CDC42SE2: variants seen among roughly 807,000 people sequenced by gnomAD.
CDC42SE2 encodes CDC42 small effector 2, also known as CDC42 small effector protein 2.
In CDC42SE2, 3 loss-of-function variants were observed where a neutral mutation model predicts 11.5. That is an observed-to-expected ratio of 0.26 (90% CI 0.12 to 0.67). CDC42SE2 has a LOEUF of 0.67. CDC42SE2 is among the 30% of genes least tolerant of loss of function. CDC42SE2 has a pLI of 0.80. For synonymous variants in CDC42SE2, 33 were observed against 34.8 expected, an observed-to-expected ratio of 0.95 and a Z score of 0.18; for missense variants, 82 against 106.8, an observed-to-expected ratio of 0.77 and a Z score of 1.02.
chr5:131,240,054 C>T, the CDC42SE2 span, among the ~76,000 whole-genome samples: 1 of 152,204 alleles, frequency 6.6e-6, no homozygotes, highest in Non-Finnish European at 1.5e-5. Context: ...AGTAATCTAT[C>T]TTAGTATCAG....
At chr5:131,338,750 T>C (rs1005629442) in intron 2 of CDC42SE2, among the ~76,000 whole-genome samples, 5 of 152,198 alleles carry the variant, frequency 3.3e-5, no homozygotes, top group African/African-American at 1.2e-4. Flanking sequence ...TTAGGCTGTG[T>C]AGTTTCAGAG....
intron 3 of CDC42SE2, among the ~76,000 whole-genome samples, chr5:131,374,346 C>T (rs1027411221): frequency 6.6e-6 from 1 of 151,970 alleles, no homozygotes; most frequent in Non-Finnish European, 1.5e-5. Flanking sequence ...TCAAGACCAG[C>T]CTGGCCAAGA....
chr5:131,283,023 G>A (rs1757270216), intron 1 of CDC42SE2, among the ~76,000 whole-genome samples: 1 of 150,598 alleles, frequency 6.6e-6, no homozygotes, highest in Non-Finnish European at 1.5e-5. Flanking sequence ...CACCTCCCGG[G>A]TTCAAGCGAT....
chr5:131,281,791 C>T (rs978143841), intron 1 of CDC42SE2, among the ~76,000 whole-genome samples: 4 of 152,178 alleles, frequency 2.6e-5, no homozygotes, highest in Admixed American at 2.6e-4. Context: ...GATTTGATCT[C>T]TAACTTTGCT....
intron 1 of CDC42SE2, among the ~76,000 whole-genome samples, chr5:131,299,163 C>G (rs1023194304): frequency 1.3e-5 from 2 of 151,964 alleles, no homozygotes; most frequent in Non-Finnish European, 2.9e-5. Flanking sequence ...TGGTAAAGGC[C>G]CTGAGAAGTC....
intron 1 of CDC42SE2, among the ~76,000 whole-genome samples, chr5:131,247,639 A>T: frequency 1.3e-5 from 2 of 152,186 alleles, no homozygotes; most frequent in South Asian, 4.1e-4. Context: ...AATGTAAAAC[A>T]ATTATTTATT....
At chr5:131,311,217 G>C (rs1259721486) in intron 1 of CDC42SE2, among the ~76,000 whole-genome samples, 2 of 151,504 alleles carry the variant, frequency 1.3e-5, no homozygotes, top group African/African-American at 2.4e-5. Context: ...AGTTTGGCTG[G>C]ATATGCAATT....
intron 3 of CDC42SE2, among the ~76,000 whole-genome samples, chr5:131,364,205 A>G (rs546964329): frequency 1.3e-5 from 2 of 152,320 alleles, no homozygotes; most frequent in South Asian, 4.1e-4. Flanking sequence ...TGCACCGTGG[A>G]AAAAGAAAGC....
chr5:131,313,737 G>C (rs1296095987), intron 1 of CDC42SE2, among the ~76,000 whole-genome samples: 1 of 152,138 alleles, frequency 6.6e-6, no homozygotes, highest in Admixed American at 6.5e-5. Context: ...TTGAATTCTG[G>C]TTGTATAAGG....
At chr5:131,362,326 A>G (rs1178260323) in intron 3 of CDC42SE2, among the ~76,000 whole-genome samples, 1 of 152,218 alleles carries the variant, frequency 6.6e-6, no homozygotes, top group Non-Finnish European at 1.5e-5. Flanking sequence ...GAGAAAAATT[A>G]CATAAAACTT....
intron 2 of CDC42SE2, among the ~76,000 whole-genome samples, chr5:131,332,430 A>G (rs6868218): frequency 0.15 from 21,878 of 150,456 alleles, 3,501 homozygotes; most frequent in African/African-American, 0.43. Context: ...ATAAACATAC[A>G]TGTGCATGTG....
rs552010007 is a variant in CDC42SE2 at position 131,389,402 on chromosome 5, TCTGA to T, written c.157-1588_157-1585del. Among the ~76,000 whole-genome samples the T allele has an allele frequency of 9.8e-5, 15 of 152,342 alleles. No individual in the cohort carries two copies. The East Asian group carries it at 1.2e-3, about 12-fold the overall frequency. On this transcript the variant is annotated intron_variant, in intron 4 of 4. Coordinates refer to ENST00000505065, the MANE Select transcript of CDC42SE2 (RefSeq NM_001375635.1). ...TACCTGAAGGTAGTCATTTTATTAA[TCTGA>T]CTATTATAGCAATACCTTATAATGT... is the stretch of plus-strand genomic sequence containing the variant.
the CDC42SE2 span, among the ~76,000 whole-genome samples, chr5:131,227,784 CCTGTAAT>C: frequency 6.6e-6 from 1 of 152,326 alleles, no homozygotes; most frequent in East Asian, 1.9e-4. Context: ...GTGGCTCACG[CCTGTAAT>C]CTGAGCACTT....
chr5:131,347,190 AAAATC>A (rs1351253914), intron 2 of CDC42SE2, among the ~76,000 whole-genome samples: 1 of 152,242 alleles, frequency 6.6e-6, no homozygotes, highest in African/African-American at 2.4e-5. Flanking sequence ...AAGCCTTCAA[AAAATC>A]AATGAATCCA....
At chr5:131,254,481 G>A (rs1561562067) in intron 1 of CDC42SE2, among the ~76,000 whole-genome samples, 2 of 151,828 alleles carry the variant, frequency 1.3e-5, no homozygotes, top group Non-Finnish European at 2.9e-5. Context: ...GGCGGAGGTT[G>A]CAGTGAGCTG....
rs558028341 is a variant in CDC42SE2 at position 131,317,795 on chromosome 5, A to G, written c.-286+1651A>G. On this transcript the variant is annotated intron_variant, in intron 2 of 4. Transcript: ENST00000505065. Reference sequence around the variant, plus strand: ...GGAAAAAGATAAAACCTGTGTTATGATTTTACCAGGTAATCTGGTAGTATA... The same window carrying G: ...GGAAAAAGATAAAACCTGTGTTATGGTTTTACCAGGTAATCTGGTAGTATA... Among the ~76,000 whole-genome samples, 9 of 152,160 alleles carry G rather than the reference A, an allele frequency of 5.9e-5. No homozygotes were observed. The South Asian group carries it at 1.5e-3, about 25-fold the overall frequency.
At chr5:131,386,774 A>G (rs1047984453) in intron 4 of CDC42SE2, among the ~76,000 whole-genome samples, 3 of 152,248 alleles carry the variant, frequency 2.0e-5, no homozygotes, top group Admixed American at 1.3e-4. Flanking sequence ...ACAAGTATAA[A>G]TGATCCCTAA....
At chr5:131,344,311 G>A (rs756911513) in intron 2 of CDC42SE2, among the ~76,000 whole-genome samples, 18 of 152,272 alleles carry the variant, frequency 1.2e-4, no homozygotes, top group African/African-American at 2.9e-4. Context: ...CTAATACTGC[G>A]CTTTCCAACA....
At chr5:131,371,519 A>G (rs146596584) in intron 3 of CDC42SE2, among the ~76,000 whole-genome samples, 28 of 152,222 alleles carry the variant, frequency 1.8e-4, no homozygotes, top group Non-Finnish European at 3.2e-4. Flanking sequence ...TGTTTGTTTT[A>G]TATGTGATTT....
Sources: allele counts gnomAD v4.1 joint callset (sites outside exome capture counted in the v4.1 genomes callset), GRCh38; gene constraint gnomAD v4.1.1; transcripts MANE v1.5; gene names NCBI Gene and HGNC (gene_info 2026-07-23, HGNC 2026-07-21).